Variants in EYS observed in about 807,000 individuals in gnomAD.
The protein encoded by EYS is EGF-like photoreceptor maintenance factor, also known as protein eyes shut homolog.
EYS carries 250 observed loss-of-function variants against 282.1 expected under a neutral mutation model. The observed-to-expected ratio is 0.89, with a 90% CI of 0.80 to 0.98. EYS has a LOEUF of 0.98. Ranked by LOEUF, EYS falls within the 50% of genes least tolerant of loss-of-function variation. The pLI, the probability that EYS is intolerant of heterozygous loss-of-function variation, is 0.00. For synonymous variants in EYS, 1,355 were observed against 1,282.9 expected, an observed-to-expected ratio of 1.06 and a Z score of -1.20; for missense variants, 4,016 against 3,709.0, an observed-to-expected ratio of 1.08 and a Z score of -2.15.
At chr6:65,682,787 A>G (rs1428818926) in intron 1 of EYS, among the ~76,000 whole-genome samples, 1 of 151,930 alleles carries the variant, frequency 6.6e-6, no homozygotes, top group Non-Finnish European at 1.5e-5. Context: ...TCAGACAAGG[A>G]GAAGGAAAGG....
chr6:65,653,987 G>A (rs1442172752), intron 1 of EYS, among the ~76,000 whole-genome samples: 3 of 151,784 alleles, frequency 2.0e-5, no homozygotes, highest in Admixed American at 6.6e-5. Context: ...TTCCTGCCAT[G>A]GATATCTGAC....
At chr6:65,385,626 C>G (rs373837331) in intron 7 of EYS, among the ~76,000 whole-genome samples, 1 of 151,826 alleles carries the variant, frequency 6.6e-6, no homozygotes, top group South Asian at 2.1e-4. Flanking sequence ...AGGAAACATA[C>G]CCATGGAAAT....
At chr6:65,096,869 G>A (rs1285351827) in intron 12 of EYS, among the ~76,000 whole-genome samples, 2 of 150,994 alleles carry the variant, frequency 1.3e-5, no homozygotes, top group Admixed American at 1.3e-4. Context: ...AAAAACTTCA[G>A]TGTAAGTTCT....
intron 2 of EYS, among the ~76,000 whole-genome samples, chr6:65,620,976 T>C (rs1766458178): frequency 1.3e-5 from 2 of 152,190 alleles, no homozygotes; most frequent in Non-Finnish European, 2.9e-5. Flanking sequence ...CTTCCAACTA[T>C]GTGGTCAATT....
intron 31 of EYS, among the ~76,000 whole-genome samples, chr6:64,099,592 T>C (rs1023762510): frequency 1.3e-5 from 2 of 152,200 alleles, no homozygotes; most frequent in South Asian, 2.1e-4. Context: ...TGACAATATC[T>C]GGTGATCGGA....
chr6:65,003,711 G>A lies in EYS; in HGVS notation c.2138-6008C>T, dbSNP rs1413593711. Among the ~76,000 whole-genome samples the A allele has an allele frequency of 1.4e-5, 2 of 146,978 alleles. 1 individual carries two copies. Among genetic ancestry groups the A allele is most frequent in the Non-Finnish European group, 3.0e-5 (2 of 65,760 alleles). On this transcript the variant is annotated intron_variant, in intron 13 of 42. Transcript: ENST00000503581. ...CTCTGTCCCTTTATTTCTCAAGCCG[G>A]CCGGCACTTAAGGAAAATAGAAAAG...
intron 29 of EYS, among the ~76,000 whole-genome samples, chr6:64,339,197 C>A (rs1030081483): frequency 2.0e-5 from 3 of 151,740 alleles, no homozygotes; most frequent in Non-Finnish European, 4.4e-5. Flanking sequence ...ACAGACAACC[C>A]ACAGAGTGGG....
At chr6:64,682,337 C>T (rs188996693) in intron 22 of EYS, among the ~76,000 whole-genome samples, 1 of 152,188 alleles carries the variant, frequency 6.6e-6, no homozygotes, top group East Asian at 1.9e-4. Context: ...CACTGTACTC[C>T]AGCCTGGGAG....
chr6:64,966,330 G>T (rs1354334509), intron 14 of EYS, among the ~76,000 whole-genome samples: 1 of 150,744 alleles, frequency 6.6e-6, no homozygotes, highest in Non-Finnish European at 1.5e-5. Flanking sequence ...AATTGGTGTT[G>T]GGGGGGGTAT....
chr6:64,968,358 C>T (rs150296129), intron 14 of EYS, among the ~76,000 whole-genome samples: 2 of 152,082 alleles, frequency 1.3e-5, no homozygotes, highest in African/African-American at 4.8e-5. Flanking sequence ...ATTTTCAAAA[C>T]TTGTTTAAAA....
At chr6:65,528,832 A>G (rs568318788) in intron 2 of EYS, among the ~76,000 whole-genome samples, 1 of 152,350 alleles carries the variant, frequency 6.6e-6, no homozygotes, top group Admixed American at 6.5e-5. Context: ...AAATTTCAAT[A>G]ATAAACCAAT....
intron 28 of EYS, among the ~76,000 whole-genome samples, chr6:64,401,475 A>T (rs1359507940): frequency 6.6e-6 from 1 of 152,044 alleles, no homozygotes; most frequent in Non-Finnish European, 1.5e-5. Flanking sequence ...TATTCCCACA[A>T]ATATAAATAA....
At chr6:65,504,183 C>T (rs1312622723) in intron 2 of EYS, among the ~76,000 whole-genome samples, 2 of 150,828 alleles carry the variant, frequency 1.3e-5, no homozygotes, top group Non-Finnish European at 3.0e-5. Flanking sequence ...GGTATATACC[C>T]AATTATTTAT....
chr6:64,476,413 AGAGAG>A, intron 26 of EYS, among the ~76,000 whole-genome samples: 1 of 152,154 alleles, frequency 6.6e-6, no homozygotes, highest in Non-Finnish European at 1.5e-5. Context: ...TTCCAGATTT[AGAGAG>A]CATAGAAAAA....
intron 12 of EYS, among the ~76,000 whole-genome samples, chr6:65,287,119 C>A (rs1768389073): frequency 6.6e-6 from 1 of 151,184 alleles, no homozygotes; most frequent in African/African-American, 2.4e-5. Context: ...AATGTCTATA[C>A]ACCAATAATG....
At chr6:64,942,748 G>A (rs1249018070) in intron 15 of EYS, among the ~76,000 whole-genome samples, 1 of 142,742 alleles carries the variant, frequency 7.0e-6, no homozygotes, top group Non-Finnish European at 1.5e-5. Flanking sequence ...ACTAAATAAA[G>A]CCCCAGACCA....
At chr6:65,233,397 G>A (rs1309971386) in intron 12 of EYS, among the ~76,000 whole-genome samples, 5 of 151,930 alleles carry the variant, frequency 3.3e-5, no homozygotes, top group Non-Finnish European at 5.9e-5. Flanking sequence ...ACTCTGTGAG[G>A]GATATTTTCC....
At chr6:64,767,021 G>T (rs1373139033) in intron 22 of EYS, among the ~76,000 whole-genome samples, 1 of 151,678 alleles carries the variant, frequency 6.6e-6, no homozygotes, top group Admixed American at 6.6e-5. Context: ...TATATGTGAT[G>T]ATATCACTGG....
At chr6:64,682,440 C>T (rs1427326611) in intron 22 of EYS, among the ~76,000 whole-genome samples, 1 of 152,096 alleles carries the variant, frequency 6.6e-6, no homozygotes, top group African/African-American at 2.4e-5. Flanking sequence ...AGGCCAATTC[C>T]TGATGGTCCA....
Sources: allele counts gnomAD v4.1 joint callset (sites outside exome capture counted in the v4.1 genomes callset), GRCh38; gene constraint gnomAD v4.1.1; transcripts MANE v1.5; gene names NCBI Gene and HGNC (gene_info 2026-07-23, HGNC 2026-07-21).